Variants in OTUD6B observed in about 807,000 individuals in gnomAD.
The protein encoded by OTUD6B is OTU deubiquitinase 6B, also known as deubiquitinase OTUD6B.
Under a neutral mutation model 36.9 loss-of-function variants are expected in OTUD6B, and 41 were observed. That is an observed-to-expected ratio of 1.11 (90% CI 0.87 to 1.44). OTUD6B has a LOEUF of 1.44. Ranked by LOEUF, OTUD6B falls within the 40% of genes most tolerant of loss-of-function variation. OTUD6B has a pLI of 0.00. For missense variants in OTUD6B, 356 were observed against 344.8 expected (o/e 1.03, Z -0.26); for synonymous variants, 114 against 114.2 (o/e 1.00, Z 0.01).
At chr8:91,082,082 T>G (rs1040890039) in intron 5 of OTUD6B, among the ~76,000 whole-genome samples, 3 of 152,114 alleles carry the variant, frequency 2.0e-5, no homozygotes, top group Non-Finnish European at 4.4e-5. Context: ...ATTTAAGTTA[T>G]TAAAGAAAAT....
chr8:91,076,870 T>A, intron 3 of OTUD6B: 6 of 636,164 alleles, frequency 9.4e-6, no homozygotes, highest in South Asian at 6.9e-5. Flanking sequence ...CTATTACTTA[T>A]ACAAACCTTA....
chr8:91,073,160 T>C (rs1480330641), intron 2 of OTUD6B, among the ~76,000 whole-genome samples: 2 of 152,194 alleles, frequency 1.3e-5, no homozygotes, highest in African/African-American at 2.4e-5. Flanking sequence ...TGAGTTGTTC[T>C]ATGCATGTGT....
At chr8:91,071,418 G>A in intron 2 of OTUD6B, 129 bp downstream of exon 2, 2 of 720,818 alleles carry the variant, frequency 2.8e-6, no homozygotes, top group South Asian at 2.0e-5. Context: ...GCTCAATCTT[G>A]GCTCACTGCA....
At chr8:91,084,160 C>A in intron 6 of OTUD6B, 46 bp downstream of exon 6, 1 of 1,108,474 alleles carries the variant, frequency 9.0e-7, no homozygotes, top group Non-Finnish European at 1.3e-6. Flanking sequence ...ACAATTAATA[C>A]AAAAAGGAAT....
intron 2 of OTUD6B, among the ~76,000 whole-genome samples, chr8:91,072,231 G>T (rs953207951): frequency 1.3e-5 from 2 of 152,192 alleles, no homozygotes; most frequent in Admixed American, 6.5e-5. Flanking sequence ...TATGAAGTAA[G>T]TATACATAAT....
rs1420046385 is a variant in OTUD6B at position 91,070,375 on chromosome 8, C to T, written c.-10C>T. 5 of 1,611,214 alleles carry T rather than the reference C, an allele frequency of 3.1e-6. No individual in the cohort carries two copies. The South Asian group carries it at 4.4e-5, about 14-fold the overall frequency. ...TTCTTCTAGCGCGTGTGCTGGGGTA[C>T]CTGGTCGTCATGGAGGCGGTATTGA... On this transcript the variant is annotated 5_prime_UTR_variant, in exon 1 of 7. Transcript: ENST00000404789.
rs1472008177 is a variant in OTUD6B at position 91,086,637 on chromosome 8, T to G, written c.*1769T>G. ...AAATAACTTATTGGCAGCTTTATTCTTTTTTTCCTTACAAGATTTAGAATC... is the reference window on the plus strand; with the variant it reads ...AAATAACTTATTGGCAGCTTTATTCGTTTTTTCCTTACAAGATTTAGAATC... On this transcript the variant is annotated 3_prime_UTR_variant, in exon 7 of 7. Transcript: ENST00000404789. 1.3e-5 allele frequency: 2 copies of G among 152,106 alleles called. No homozygotes were observed. Among genetic ancestry groups the G allele is most frequent in the African/African-American group, 2.4e-5 (1 of 41,450 alleles). 9.4% of individuals were successfully genotyped at this position (152,106 alleles called of 1,614,324 possible). A position where few individuals can be genotyped will look rare whatever the true frequency, so the allele number is the denominator to read the frequency against.
chr8:91,070,857 C>A (rs1812680133), intron 1 of OTUD6B, among the ~76,000 whole-genome samples: 1 of 152,132 alleles, frequency 6.6e-6, no homozygotes. Flanking sequence ...AGAAAGGATA[C>A]CGGAAAGATT....
At chr8:91,084,426 C>G (rs1812968445) in intron 6 of OTUD6B, among the ~76,000 whole-genome samples, 1 of 152,060 alleles carries the variant, frequency 6.6e-6, no homozygotes, top group Admixed American at 6.6e-5. Context: ...AAATATCTTA[C>G]ATGATTTAGA....
intron 4 of OTUD6B, 149 bp from the exon 5 acceptor site, chr8:91,080,520 G>A: frequency 7.1e-7 from 1 of 1,410,620 alleles, no homozygotes; most frequent in Non-Finnish European, 9.2e-7. Context: ...GGACCTGGGA[G>A]TTAGATTAGA....
At chr8:91,082,737 T>A (rs1202193248) in intron 5 of OTUD6B, among the ~76,000 whole-genome samples, 1 of 147,608 alleles carries the variant, frequency 6.8e-6, no homozygotes, top group East Asian at 2.0e-4. Context: ...GAGTGTTTGG[T>A]CATATGTCTT....
Position 91,078,508 on chromosome 8 carries a change from C to T in OTUD6B, c.468C>T (p.Gly156=). ...AAATTAAACAGATTCCATCTGATGG[C>T]CACTGTATGTATAAAGCCATTGAAG... is the stretch of plus-strand genomic sequence containing the variant. ...QLEIKQIPSD[G]HCMYKAIEDQ... is the part of the protein sequence containing the mutation. The change falls in exon 4 of 7, where the codon GGC becomes GGT. Residue 156 remains glycine (G), a synonymous_variant. Coordinates refer to ENST00000404789, the MANE Select transcript of OTUD6B (RefSeq NM_016023.5). 1 of 1,609,628 alleles carries T rather than the reference C, an allele frequency of 6.2e-7. No homozygotes were observed. Among genetic ancestry groups the T allele is most frequent in the African/African-American group, 1.3e-5 (1 of 74,934 alleles).
chr8:91,084,498 C>T (rs1016642679), intron 6 of OTUD6B, among the ~76,000 whole-genome samples: 7 of 152,046 alleles, frequency 4.6e-5, no homozygotes, highest in Admixed American at 4.6e-4. Flanking sequence ...TTAGCTAAAC[C>T]TATTAAGATA....
intron 4 of OTUD6B, 33 bp from the exon 5 acceptor site, chr8:91,080,636 A>G: frequency 6.4e-7 from 1 of 1,561,092 alleles, no homozygotes. Flanking sequence ...TACAAAAATT[A>G]TTAAGTGCTG....
intron 3 of OTUD6B, among the ~76,000 whole-genome samples, chr8:91,074,662 A>G (rs1486455941): frequency 5.9e-5 from 9 of 152,110 alleles, no homozygotes; most frequent in Admixed American, 5.9e-4. Context: ...GTCCCTTTGA[A>G]TTTGAAAAAG....
At chr8:91,071,356 T>A in intron 2 of OTUD6B, 67 bp downstream of exon 2, 2 of 1,302,122 alleles carry the variant, frequency 1.5e-6, no homozygotes, top group Non-Finnish European at 2.1e-6. Flanking sequence ...CTGTTAAATG[T>A]TAAACTGCTT....
At chr8:91,072,995 T>C (rs1237888398) in intron 2 of OTUD6B, among the ~76,000 whole-genome samples, 3 of 152,218 alleles carry the variant, frequency 2.0e-5, no homozygotes, top group Non-Finnish European at 2.9e-5. Context: ...TCAATATAGA[T>C]GTTTGTAAAT....
At chr8:91,083,234 A>T (rs995296826) in intron 5 of OTUD6B, among the ~76,000 whole-genome samples, 7 of 152,126 alleles carry the variant, frequency 4.6e-5, no homozygotes, top group African/African-American at 1.7e-4. Flanking sequence ...GATTAGAATC[A>T]TCTGAAAAAC....
At position 91,073,904 on chromosome 8, in the gene OTUD6B, A is replaced by G; in HGVS notation, c.308A>G (p.Lys103Arg). ...CCACCTCGGATATCAAAAGCACAAAAGAGACGGGTATGAAAGTCATGTCAC... is the reference window on the plus strand; with the variant it reads ...CCACCTCGGATATCAAAAGCACAAAGGAGACGGGTATGAAAGTCATGTCAC... ...NQPPRISKAQ[K>R]RREKKAALEK... Residue 103 changes from lysine (K) to arginine (R), a missense_variant, in exon 3 of 7, where the codon AAG becomes AGG. Physicochemically the swap from Lys to Arg is conservative, Grantham distance 26 (BLOSUM62 2). Coordinates refer to ENST00000404789, the MANE Select transcript of OTUD6B (RefSeq NM_016023.5). 1 of 1,587,506 alleles carries G rather than the reference A, an allele frequency of 6.3e-7. No individual in the cohort carries two copies. Among genetic ancestry groups the G allele is most frequent in the Non-Finnish European group, 8.6e-7 (1 of 1,164,808 alleles).
Sources: allele counts gnomAD v4.1 joint callset (sites outside exome capture counted in the v4.1 genomes callset), GRCh38; gene constraint gnomAD v4.1.1; transcripts MANE v1.5; gene names NCBI Gene and HGNC (gene_info 2026-07-23, HGNC 2026-07-21).